TBC1D19: variants seen among roughly 807,000 people sequenced by gnomAD.
The protein encoded by TBC1D19 is TBC1 domain family, member 19.
TBC1D19 carries 60 observed loss-of-function variants against 89.0 expected under a neutral mutation model. That is an observed-to-expected ratio of 0.67 (90% CI 0.55 to 0.84). The LOEUF (loss-of-function observed/expected upper bound fraction) is 0.84. Ranked by LOEUF, TBC1D19 falls within the 40% of genes least tolerant of loss-of-function variation. The pLI, the probability that TBC1D19 is intolerant of heterozygous loss-of-function variation, is 0.00. For missense variants in TBC1D19, 500 were observed against 610.8 expected (o/e 0.82, Z 1.91); for synonymous variants, 189 against 199.7 (o/e 0.95, Z 0.45).
intron 8 of TBC1D19, among the ~76,000 whole-genome samples, chr4:26,665,851 T>C (rs965105371): frequency 5.9e-5 from 9 of 152,080 alleles, no homozygotes; most frequent in Non-Finnish European, 8.8e-5. Context: ...CTTACCTTAC[T>C]GAGTAGTCTG....
chr4:26,755,050 C>T lies in TBC1D19; in HGVS notation c.*103C>T. The T allele has an allele frequency of 1.0e-6, 1 of 990,734 alleles. No individual in the cohort carries two copies. The allele number at this position is 990,734 out of a possible 1,614,324, so 61.4% of individuals were successfully genotyped here. ...CCAAAATGAAACTTTGCATATAAGC[C>T]AATAAAGATCATGTTCCCTCTTCAG... On this transcript the variant is annotated 3_prime_UTR_variant, in exon 21 of 21. Transcript: ENST00000264866.
At chr4:26,687,446 G>A (rs1347486442) in intron 12 of TBC1D19, among the ~76,000 whole-genome samples, 2 of 152,142 alleles carry the variant, frequency 1.3e-5, no homozygotes, top group African/African-American at 2.4e-5. Context: ...AAGCACACAA[G>A]CAGCAGTTTC....
Position 26,584,111 on chromosome 4 carries a change from A to C in TBC1D19, c.-83A>C. ...TGTAATAAGGTCCCGGAGAAGTGTC[A>C]CTGGCCCTGAGTGGGACCCGGTAGC... On this transcript the variant is annotated 5_prime_UTR_variant, in exon 1 of 21. Transcript: ENST00000264866. The C allele has an allele frequency of 7.3e-7, 1 of 1,370,280 alleles. No individual in the cohort carries two copies. Among genetic ancestry groups the C allele is most frequent in the East Asian group, 2.4e-5 (1 of 41,328 alleles). 84.9% of individuals were successfully genotyped at this position (1,370,280 alleles called of 1,614,324 possible).
At chr4:26,766,474 G>A in the TBC1D19 span, among the ~76,000 whole-genome samples, 1 of 152,148 alleles carries the variant, frequency 6.6e-6, no homozygotes, top group Non-Finnish European at 1.5e-5. Context: ...ACCACTGTGT[G>A]AGGACACCTT....
At chr4:26,812,181 G>A in the TBC1D19 span, among the ~76,000 whole-genome samples, 2 of 152,180 alleles carry the variant, frequency 1.3e-5, no homozygotes, top group African/African-American at 4.8e-5. The surrounding 1 kb of genome is among the most constrained non-coding windows in gnomAD (Gnocchi z 4.2). Flanking sequence ...AGGCAGCGAG[G>A]AAGATGTGAA....
intron 13 of TBC1D19, among the ~76,000 whole-genome samples, chr4:26,710,786 T>C (rs1269288388): frequency 6.6e-6 from 1 of 152,240 alleles, no homozygotes; most frequent in Non-Finnish European, 1.5e-5. Flanking sequence ...GCAGTGATGA[T>C]GAGCATTTTT....
chr4:26,696,130 C>T (rs1020488429), intron 13 of TBC1D19, among the ~76,000 whole-genome samples: 1 of 152,134 alleles, frequency 6.6e-6, no homozygotes, highest in African/African-American at 2.4e-5. Flanking sequence ...TGTGCAGAGG[C>T]ACACATAGGC....
At chr4:26,842,086 C>T in the TBC1D19 span, among the ~76,000 whole-genome samples, 18 of 152,234 alleles carry the variant, frequency 1.2e-4, no homozygotes, top group Middle Eastern at 6.8e-3. Flanking sequence ...TTTTCCTGCT[C>T]TTTGAACAAA....
intron 7 of TBC1D19, among the ~76,000 whole-genome samples, chr4:26,654,690 C>T (rs562027836): frequency 2.8e-4 from 42 of 152,296 alleles, no homozygotes; most frequent in East Asian, 1.3e-3. Flanking sequence ...CTTGTGCATT[C>T]GTCACGTAGT....
At chr4:26,709,788 C>G (rs1716017463) in intron 13 of TBC1D19, among the ~76,000 whole-genome samples, 2 of 151,982 alleles carry the variant, frequency 1.3e-5, no homozygotes, top group African/African-American at 4.8e-5. Context: ...CAATTTTTGT[C>G]TAGGTGGGGA....
intron 7 of TBC1D19, among the ~76,000 whole-genome samples, chr4:26,644,636 C>T (rs1743790623): frequency 6.6e-6 from 1 of 152,218 alleles, no homozygotes; most frequent in Non-Finnish European, 1.5e-5. Context: ...CAAACTGTCC[C>T]TGTTTGCAGA....
chr4:26,673,446 T>TATATATATATATATATATATATATACAC (rs373807642), intron 10 of TBC1D19, among the ~76,000 whole-genome samples: 1 of 90,884 alleles, frequency 1.1e-5, no homozygotes, highest in African/African-American at 4.3e-5. Context: ...TATATATATA[T>TATATATATATATATATATATATATACAC]ACACACACAC....
the TBC1D19 span, among the ~76,000 whole-genome samples, chr4:26,789,425 A>C: frequency 6.6e-6 from 1 of 152,228 alleles, no homozygotes; most frequent in Admixed American, 6.5e-5. Flanking sequence ...TTTCAAAAGA[A>C]GACAAAACAA....
At chr4:26,747,751 C>A (rs1718729552) in intron 18 of TBC1D19, among the ~76,000 whole-genome samples, 1 of 152,104 alleles carries the variant, frequency 6.6e-6, no homozygotes, top group African/African-American at 2.4e-5. Flanking sequence ...TGTAACATAA[C>A]CTACTTGTAA....
chr4:26,822,152 T>C, the TBC1D19 span, among the ~76,000 whole-genome samples: 1 of 152,232 alleles, frequency 6.6e-6, no homozygotes, highest in African/African-American at 2.4e-5. Context: ...AAGCTGTCAG[T>C]CGCTGGGGTT....
chr4:26,767,948 G>C, the TBC1D19 span, among the ~76,000 whole-genome samples: 1 of 152,152 alleles, frequency 6.6e-6, no homozygotes, highest in Non-Finnish European at 1.5e-5. Flanking sequence ...GAACCCAGGA[G>C]GAACCTGGAT....
chr4:26,810,732 C>T, the TBC1D19 span, among the ~76,000 whole-genome samples: 4 of 152,274 alleles, frequency 2.6e-5, no homozygotes, highest in East Asian at 3.9e-4. Context: ...CTGGGTCGCA[C>T]GTCCCTCTTC....
At chr4:26,774,338 T>C in the TBC1D19 span, among the ~76,000 whole-genome samples, 1 of 152,276 alleles carries the variant, frequency 6.6e-6, no homozygotes, top group African/African-American at 2.4e-5. Context: ...CTTAGTTCAG[T>C]TTTTGACACG....
intron 7 of TBC1D19, among the ~76,000 whole-genome samples, chr4:26,647,724 CT>C (rs1560443285): frequency 6.6e-6 from 1 of 152,248 alleles, no homozygotes; most frequent in East Asian, 1.9e-4. Context: ...TTGCTTACCC[CT>C]GGCTTCCTCC....
Sources: allele counts gnomAD v4.1 joint callset (sites outside exome capture counted in the v4.1 genomes callset), GRCh38; gene constraint gnomAD v4.1.1; non-coding constraint Gnocchi (gnomAD v3.1); transcripts MANE v1.5; gene names NCBI Gene and HGNC (gene_info 2026-07-23, HGNC 2026-07-21).